Variants in C3orf22 observed in about 807,000 individuals in gnomAD.
C3orf22 encodes uncharacterized protein C3orf22.
A neutral mutation model predicts 10.8 loss-of-function variants in C3orf22; 7 were observed. That is an observed-to-expected ratio of 0.65 (90% CI 0.37 to 1.22). The LOEUF is 1.22. C3orf22 is among the 50% of genes most tolerant of loss of function. The probability of loss-of-function intolerance (pLI) is 0.02; values close to 1 mark genes in which losing one functional copy is unlikely to be tolerated. For missense variants in C3orf22, 173 were observed against 177.0 expected (o/e 0.98, Z 0.13); for synonymous variants, 79 against 78.9 (o/e 1.00, Z 0.00).
intron 4 of C3orf22, among the ~76,000 whole-genome samples, chr3:126,538,172 A>G (rs578038508): frequency 4.6e-5 from 7 of 152,356 alleles, no homozygotes; most frequent in African/African-American, 1.7e-4. Flanking sequence ...GCTTCCAGCC[A>G]TGAGGAGAGT....
rs765762584 is a variant in C3orf22, at chr3:126,553,382, G to A, written c.9C>T (p.Ser3=). 3.1e-6 allele frequency: 5 copies of A among 1,613,950 alleles called. No homozygotes were observed. The highest frequency in any genetic ancestry group is 1.1e-5 in the South Asian group (1 of 91,090). ...TCTGGTGAGACTTCTTGCAGGCACTGGAGTCCATCACTGAGTGGGTTAAGC... is the reference window on the plus strand; with the variant it reads ...TCTGGTGAGACTTCTTGCAGGCACTAGAGTCCATCACTGAGTGGGTTAAGC... The part of the protein sequence containing the change: MD[S]SACKKSHQSK... The change falls in exon 2 of 4, where the codon TCC becomes TCT. Residue 3 remains serine, a synonymous_variant. Transcript: ENST00000318225.
intron 5 of C3orf22, among the ~76,000 whole-genome samples, chr3:126,528,937 G>C (rs1359310667): frequency 2.6e-5 from 4 of 152,266 alleles, no homozygotes; most frequent in African/African-American, 4.8e-5. Context: ...GGGCAGGACA[G>C]AGGCCCTCGG....
chr3:126,553,464 G>A, intron 1 of C3orf22, 34 bp from the exon 2 acceptor site: 1 of 1,306,072 alleles, frequency 7.7e-7, no homozygotes, highest in Non-Finnish European at 1.1e-6. Context: ...GAGGGGGCAG[G>A]GGTGGTGGGG....
intron 4 of C3orf22, among the ~76,000 whole-genome samples, chr3:126,532,286 AT>A (rs1362687862): frequency 3.3e-5 from 5 of 152,274 alleles, no homozygotes; most frequent in Non-Finnish European, 7.4e-5. Context: ...CAATTTATCT[AT>A]TTTTTAAAAT....
intron 1 of C3orf22, among the ~76,000 whole-genome samples, chr3:126,557,406 T>C (rs7612152): frequency 1 from 152,251 of 152,358 alleles, 76,073 homozygotes; most frequent in Non-Finnish European, 1. Context: ...GGTAGCCCTT[T>C]CCAAATCTGG....
exon 5 of C3orf22, chr3:126,529,292 G>C (rs898946419): frequency 8.6e-6 from 11 of 1,285,176 alleles, no homozygotes; most frequent in African/African-American, 1.5e-5. Flanking sequence ...TGCAGCAATC[G>C]CATGGCCTTG....
chr3:126,543,726 ATGAG>A (rs1168026871), intron 4 of C3orf22, among the ~76,000 whole-genome samples: 1 of 141,208 alleles, frequency 7.1e-6, no homozygotes, highest in Non-Finnish European at 1.6e-5. Flanking sequence ...GCATGTGTGC[ATGAG>A]TGTGTGAGAG....
chr3:126,528,143 G>A (rs902616272), intron 5 of C3orf22, among the ~76,000 whole-genome samples: 1 of 151,676 alleles, frequency 6.6e-6, no homozygotes, highest in African/African-American at 2.4e-5. Context: ...GCTGTGGGTG[G>A]GGCTCTGGGT....
intron 4 of C3orf22, among the ~76,000 whole-genome samples, chr3:126,534,741 T>C (rs2107566304): frequency 7.1e-6 from 1 of 141,720 alleles, no homozygotes; most frequent in South Asian, 2.3e-4. Flanking sequence ...AGCATCCCTG[T>C]CCCCACCCAG....
At chr3:126,553,467 T>TGGGGG in intron 1 of C3orf22, 37 bp from the exon 2 acceptor site, 2 of 640,014 alleles carry the variant, frequency 3.1e-6, no homozygotes, top group Non-Finnish European at 5.5e-6. Flanking sequence ...GGGGCAGGGG[T>TGGGGG]GGTGGGGGGC....
chr3:126,528,118 G>GGT (rs1936573191), intron 5 of C3orf22, among the ~76,000 whole-genome samples: 1 of 151,578 alleles, frequency 6.6e-6, no homozygotes, highest in African/African-American at 2.4e-5. Context: ...AATGGCCTGG[G>GGT]GTGTGAATGG....
chr3:126,556,453 T>G (rs1937331851), intron 1 of C3orf22, among the ~76,000 whole-genome samples: 1 of 151,732 alleles, frequency 6.6e-6, no homozygotes, highest in Non-Finnish European at 1.5e-5. Flanking sequence ...CATCCCACTT[T>G]CCTCTCAGCG....
intron 1 of C3orf22, among the ~76,000 whole-genome samples, chr3:126,554,346 C>T (rs1231604299): frequency 6.6e-6 from 1 of 151,668 alleles, no homozygotes; most frequent in East Asian, 1.9e-4. Context: ...TCACTGCAAC[C>T]TCTGCCTCCC....
chr3:126,536,611 T>C (rs1936796577), intron 4 of C3orf22, among the ~76,000 whole-genome samples: 1 of 151,866 alleles, frequency 6.6e-6, no homozygotes, highest in South Asian at 2.1e-4. Flanking sequence ...GTGTTGCAGA[T>C]AAAAAAGAGT....
At chr3:126,558,055 C>T (rs982542873) in intron 1 of C3orf22, among the ~76,000 whole-genome samples, 62 of 150,188 alleles carry the variant, frequency 4.1e-4, no homozygotes, top group African/African-American at 1.4e-3. Flanking sequence ...CTGAGGAGTG[C>T]GGGGCAGGGG....
At chr3:126,536,046 G>A (rs72982014) in intron 4 of C3orf22, among the ~76,000 whole-genome samples, 17,529 of 152,150 alleles carry the variant, frequency 0.12, 1,627 homozygotes, top group African/African-American at 0.26. Context: ...TGGAGGGTAG[G>A]ACATGGGAGC....
At chr3:126,536,896 AACACACAC>A (rs10670471) in intron 4 of C3orf22, among the ~76,000 whole-genome samples, 8 of 140,400 alleles carry the variant, frequency 5.7e-5, no homozygotes, top group African/African-American at 1.1e-4. Context: ...CACACACACA[AACACACAC>A]ACACACACAC....
chr3:126,546,547 TTC>T (rs1160480466), downstream of C3orf22, among the ~76,000 whole-genome samples: 9 of 151,606 alleles, frequency 5.9e-5, no homozygotes, highest in Non-Finnish European at 1.0e-4. Flanking sequence ...CACTGGAGAG[TTC>T]TCTCTCTCTC....
At chr3:126,534,462 C>A (rs1936721493) in intron 4 of C3orf22, among the ~76,000 whole-genome samples, 1 of 152,180 alleles carries the variant, frequency 6.6e-6, no homozygotes, top group African/African-American at 2.4e-5. Flanking sequence ...CTGTCCCCAC[C>A]CAGGAGACAG....
Sources: allele counts gnomAD v4.1 joint callset (sites outside exome capture counted in the v4.1 genomes callset), GRCh38; gene constraint gnomAD v4.1.1; transcripts MANE v1.5; gene names NCBI Gene and HGNC (gene_info 2026-07-23, HGNC 2026-07-21).